PHEX: variants seen among roughly 807,000 people sequenced by gnomAD.
PHEX encodes phosphate regulating endopeptidase X-linked, also known as phosphate-regulating neutral endopeptidase PHEX.
PHEX carries 16 observed loss-of-function variants against 68.0 expected under a neutral mutation model. That is an observed-to-expected ratio of 0.24 (90% CI 0.16 to 0.36). The LOEUF (loss-of-function observed/expected upper bound fraction) is 0.36. Ranked by LOEUF, PHEX falls within the 10% of genes least tolerant of loss-of-function variation. PHEX has a pLI of 1.00. For synonymous variants in PHEX, 208 were observed against 205.1 expected (o/e 1.01, Z -0.12); for missense variants, 480 against 575.5 (o/e 0.83, Z 1.70).
intron 18 of PHEX, among the ~76,000 whole-genome samples, chrX:22,224,344 C>T (rs753559991): frequency 9.0e-4 from 101 of 111,740 alleles, no homozygotes; most frequent in African/African-American, 3.2e-3. Flanking sequence ...TGAGGGAAAC[C>T]TATTGGTTTC....
intron 18 of PHEX, among the ~76,000 whole-genome samples, chrX:22,224,968 G>GATTTATTATCATCCAGCGCTGTATT (rs1935412305): frequency 8.8e-6 from 1 of 113,539 alleles, no homozygotes; most frequent in African/African-American, 3.2e-5. Context: ...AGCGCTGTAT[G>GATTTATTATCATCCAGCGCTGTATT]ATTTATTATC....
chrX:22,139,253 T>C (rs1007545038), intron 12 of PHEX, among the ~76,000 whole-genome samples: 4 of 111,279 alleles, frequency 3.6e-5, no homozygotes, highest in Non-Finnish European at 5.6e-5. Context: ...TGTCAGCCGT[T>C]TGGTCCAAAC....
chrX:22,226,350 T>C, intron 18 of PHEX, 93 bp from the exon 19 acceptor site: 1 of 624,254 alleles, frequency 1.6e-6, no homozygotes, highest in East Asian at 3.3e-5. Flanking sequence ...AATATGATAC[T>C]TTTCTTGCTA....
Position 22,099,008 on chromosome X carries a change from C to A in PHEX, c.936C>A (p.Phe312Leu). 8.3e-7 allele frequency: 1 copy of A among 1,208,896 alleles called. No individual in the cohort carries two copies. Among genetic ancestry groups the A allele is most frequent in the Non-Finnish European group, 1.1e-6 (1 of 893,947 alleles). The change falls in exon 9 of 22, where the codon TTC becomes TTA. Residue 312 changes from phenylalanine (F) to leucine (L), a missense_variant and splice_region_variant. Physicochemically the swap from Phe to Leu is conservative, Grantham distance 22. Coordinates refer to ENST00000379374, the MANE Select transcript of PHEX (RefSeq NM_000444.6). ...ISELSAMIPQFDWLGYIKKVI... is the reference protein window; with the variant it reads ...ISELSAMIPQLDWLGYIKKVI... ...TGTTTTGTTCTCTCTCCCCTCAGTT[C>A]GACTGGCTGGGCTACATCAAGAAGG...
Position 22,164,492 on chromosome X carries a change from G to T in PHEX, c.1405-3820G>T, listed in dbSNP as rs1040169946. ...AAAGGATTCAATAACCTGCATAGATGGTGCAGAAGGTAATATATTCTGTGA... is the reference window on the plus strand; with the variant it reads ...AAAGGATTCAATAACCTGCATAGATTGTGCAGAAGGTAATATATTCTGTGA... On this transcript the variant is annotated intron_variant, in intron 12 of 21. Transcript: ENST00000379374. Among the ~76,000 whole-genome samples, 4 of 111,510 alleles carry T rather than the reference G, an allele frequency of 3.6e-5. No homozygotes were observed. In the Admixed American group the frequency reaches 3.8e-4, roughly 11 times the overall value.
intron 20 of PHEX, among the ~76,000 whole-genome samples, chrX:22,239,938 T>G (rs1317633620): frequency 9.0e-6 from 1 of 110,873 alleles, no homozygotes; most frequent in Non-Finnish European, 1.9e-5. Context: ...CATATAATCA[T>G]CAGATTTACC....
At chrX:22,222,175 T>C in intron 18 of PHEX, among the ~76,000 whole-genome samples, 1 of 111,838 alleles carries the variant, frequency 8.9e-6, no homozygotes, top group East Asian at 2.8e-4. Flanking sequence ...TTGAATGGTG[T>C]CTAGCTCTTT....
At chrX:22,068,272 C>T (rs1057295661) in intron 3 of PHEX, among the ~76,000 whole-genome samples, 5 of 112,036 alleles carry the variant, frequency 4.5e-5, no homozygotes, top group Admixed American at 9.5e-5. Flanking sequence ...CCTCCTACCT[C>T]TGGTTAGGTG....
At chrX:22,209,174 A>C (rs1056736361) in intron 15 of PHEX, among the ~76,000 whole-genome samples, 6 of 110,975 alleles carry the variant, frequency 5.4e-5, no homozygotes, top group Admixed American at 9.6e-5. Context: ...CACGTGGTGA[A>C]CTGAGGCAGT....
At chrX:22,240,492 C>T (rs1199238565) in intron 20 of PHEX, among the ~76,000 whole-genome samples, 1 of 111,357 alleles carries the variant, frequency 9.0e-6, no homozygotes, top group South Asian at 3.8e-4. Context: ...TCAGGAAACC[C>T]ATCTCACTTG....
At chrX:22,082,476 T>A (rs1236775904) in intron 5 of PHEX, among the ~76,000 whole-genome samples, 2 of 112,790 alleles carry the variant, frequency 1.8e-5, no homozygotes, top group Admixed American at 1.9e-4. Context: ...GAGCTTTTTT[T>A]CATATGCTTG....
At chrX:22,155,487 G>T (rs892667808) in intron 12 of PHEX, among the ~76,000 whole-genome samples, 1 of 112,192 alleles carries the variant, frequency 8.9e-6, no homozygotes, top group African/African-American at 3.2e-5. Flanking sequence ...TCTGAGAAAC[G>T]TTAGGTGTTA....
chrX:22,096,914 G>C lies in PHEX; in HGVS notation c.850-41G>C, dbSNP rs764420479. 9.2e-6 allele frequency: 9 copies of C among 978,801 alleles called. No homozygotes were observed. In the Admixed American group the frequency reaches 1.5e-4, roughly 17 times the overall value. The allele number at this position is 978,801 out of a possible 1,213,427, so 80.7% of individuals were successfully genotyped here. ...AGGAAGTAATCATACAGTAAGAAAT[G>C]GTTCACTTGAAAAAAAATAACAAAA... is the stretch of plus-strand genomic sequence containing the variant. On this transcript the variant is annotated intron_variant, in intron 7 of 21. Transcript: ENST00000379374.
At chrX:22,229,691 G>A (rs1935643353) in intron 20 of PHEX, among the ~76,000 whole-genome samples, 1 of 111,910 alleles carries the variant, frequency 8.9e-6, no homozygotes, top group Admixed American at 9.5e-5. Context: ...TCTTTAGGAT[G>A]CCTCTTCACT....
intron 12 of PHEX, among the ~76,000 whole-genome samples, chrX:22,144,860 C>G (rs147684765): frequency 0.034 from 3,729 of 110,905 alleles, 165 homozygotes; most frequent in African/African-American, 0.12. Flanking sequence ...GCCTCTCCAT[C>G]CATGAAATTT....
chrX:22,070,750 C>T (rs1240330120), intron 3 of PHEX, among the ~76,000 whole-genome samples: 1 of 111,494 alleles, frequency 9.0e-6, no homozygotes, highest in African/African-American at 3.3e-5. Flanking sequence ...TAGCAAAGAG[C>T]CAGAGGCCCC....
chrX:22,038,703 A>G (rs749416202), intron 2 of PHEX, among the ~76,000 whole-genome samples, 166 bp downstream of exon 2: 4 of 112,240 alleles, frequency 3.6e-5, no homozygotes, highest in Non-Finnish European at 7.5e-5. Flanking sequence ...GGTGTGAAAC[A>G]GTGGAGCTTA....
chrX:22,077,557 A>T lies in PHEX; in HGVS notation c.518A>T (p.Asn173Ile), dbSNP rs777607846. ...TTCCGCTGGCCCGTGCTTGAATCTA[A>T]TATTGGCCCTGAAGGGGTTTGGTCA... ...SPFRWPVLES[N>I]IGPEGVWSER... Residue 173 changes from asparagine to isoleucine, a missense_variant, in exon 5 of 22, where the codon AAT (asparagine) becomes ATT (isoleucine). By Grantham distance (149) the Asn-to-Ile change is moderately radical (BLOSUM62 -3). Transcript: ENST00000379374. The T allele has an allele frequency of 8.3e-7, 1 of 1,209,809 alleles. No individual in the cohort carries two copies. Among genetic ancestry groups the T allele is most frequent in the East Asian group, 3.0e-5 (1 of 33,765 alleles).
chrX:22,090,613 T>C (rs1011534888), intron 6 of PHEX, 116 bp downstream of exon 6: 4 of 536,764 alleles, frequency 7.5e-6, no homozygotes, highest in African/African-American at 4.6e-5. Flanking sequence ...ATGACCATAT[T>C]CCCAATGCAG....
Sources: gnomAD v4.1 joint callset for allele counts (sites outside exome capture counted in the v4.1 genomes callset) on GRCh38, gnomAD v4.1.1 for gene constraint, MANE v1.5 for transcripts, NCBI Gene and HGNC (gene_info 2026-07-23, HGNC 2026-07-21) for gene names.